The following TRDMT1 variants were observed in gnomAD, a reference collection of about 807,000 sequenced individuals.
The protein encoded by TRDMT1 is tRNA (cytosine(38)-C(5))-methyltransferase.
In TRDMT1, 49 loss-of-function variants were observed where a neutral mutation model predicts 51.2. That is an observed-to-expected ratio of 0.96 (90% CI 0.76 to 1.21). TRDMT1 has a LOEUF of 1.21. Among genes scored for constraint, TRDMT1 ranks in the 50% most tolerant of loss-of-function variants. The pLI is 0.00. For synonymous variants in TRDMT1, 187 were observed against 164.6 expected (o/e 1.14, Z -1.04); for missense variants, 534 against 462.3 (o/e 1.16, Z -1.42).
At position 17,145,395 on chromosome 10, in the gene TRDMT1, C is replaced by T; in HGVS notation, c.*3645G>A. The T allele has an allele frequency of 7.1e-6, 7 of 985,292 alleles. No homozygotes were observed. The highest frequency in any genetic ancestry group is 5.2e-5 in the African/African-American group (3 of 57,320). 61.0% of individuals were successfully genotyped at this position (985,292 alleles called of 1,614,324 possible). A position where few individuals can be genotyped will look rare whatever the true frequency, so the allele number is the denominator to read the frequency against. Reference sequence around the variant, plus strand: ...GCTGATATGATAGTTGTATATAGCACATTTGAATGGTAGATGGAAGAGATT... The same window carrying T: ...GCTGATATGATAGTTGTATATAGCATATTTGAATGGTAGATGGAAGAGATT... On this transcript the variant is annotated 3_prime_UTR_variant, in exon 11 of 11. Transcript: ENST00000377799.
chr10:17,154,354 A>T (rs1170456104), intron 9 of TRDMT1, among the ~76,000 whole-genome samples: 1 of 152,172 alleles, frequency 6.6e-6, no homozygotes, highest in Non-Finnish European at 1.5e-5. Flanking sequence ...CTCCAATATT[A>T]AGATGTTTGT....
At position 17,194,803 on chromosome 10, in the gene TRDMT1, G is replaced by C. The variant is rs375633233; in HGVS notation, c.64+6768C>G. ...CAAAAATTAGCCAAGCGTGGTCGTG[G>C]GCACCTGTAATCACAGCTACTAGGG... On this transcript the variant is annotated intron_variant, in intron 1 of 10. Coordinates refer to ENST00000377799, the MANE Select transcript of TRDMT1 (RefSeq NM_004412.7). Among the ~76,000 whole-genome samples, 35 of 151,828 alleles carry C rather than the reference G, an allele frequency of 2.3e-4. No individual in the cohort carries two copies. In the East Asian group the frequency reaches 6.6e-3, roughly 29 times the overall value.
chr10:17,184,644 A>T (rs1272455946), intron 1 of TRDMT1, among the ~76,000 whole-genome samples: 1 of 152,126 alleles, frequency 6.6e-6, no homozygotes, highest in Non-Finnish European at 1.5e-5. Flanking sequence ...TGCTACAGAT[A>T]CCTCTAAAAG....
rs577850360 is a variant in TRDMT1 at position 17,173,669 on chromosome 10, C to T, written c.174+882G>A. 1.4e-4 allele frequency among the ~76,000 whole-genome samples: 22 copies of T among 151,746 alleles called. No individual in the cohort carries two copies. In the South Asian group the frequency reaches 2.7e-3, roughly 19 times the overall value. On this transcript the variant is annotated intron_variant, in intron 2 of 10. Coordinates refer to ENST00000377799, the MANE Select transcript of TRDMT1 (RefSeq NM_004412.7). ...AACTCAAACTGCCCACTTAAAATTA[C>T]GTACAATAAACTACATATTTATTGC...
Position 17,143,200 on chromosome 10 carries a change from A to G in TRDMT1, c.*5840T>C, listed in dbSNP as rs1332003730. ...GTGTGGTGCTTTCTATGTAGCTTCA[A>G]TATTGATTCCAGTATGGTTCCTACA... On this transcript the variant is annotated 3_prime_UTR_variant, in exon 11 of 11. Transcript: ENST00000377799. 5.1e-6 allele frequency: 5 copies of G among 985,336 alleles called. No individual in the cohort carries two copies. The highest frequency in any genetic ancestry group is 5.2e-4 in the Middle Eastern group (1 of 1,936). The allele number at this position is 985,336 out of a possible 1,614,324, so 61.0% of individuals were successfully genotyped here.
intron 1 of TRDMT1, among the ~76,000 whole-genome samples, chr10:17,178,135 G>T (rs1340659650): frequency 1.3e-5 from 2 of 151,962 alleles, no homozygotes; most frequent in Admixed American, 1.3e-4. Context: ...ATCTCATATA[G>T]GTGAGTAACT....
intron 3 of TRDMT1, among the ~76,000 whole-genome samples, chr10:17,167,813 C>T (rs1430301840): frequency 6.6e-6 from 1 of 152,126 alleles, no homozygotes. Context: ...ATTCACTTTG[C>T]TTAATCAGTA....
rs1413153442 is a variant in TRDMT1 at position 17,138,651 on chromosome 10, A to T, written c.*10389T>A. The stretch of plus-strand genomic sequence containing the variant: ...ACTACAATTATCTTTGAGTAGAATG[A>T]AAAAGAATTATGAGTTAATCATTAA... On this transcript the variant is annotated 3_prime_UTR_variant, in exon 11 of 11. Coordinates refer to ENST00000377799, the MANE Select transcript of TRDMT1 (RefSeq NM_004412.7). 6.7e-6 allele frequency among the ~76,000 whole-genome samples: 1 copy of T among 150,178 alleles called. No homozygotes were observed. Among genetic ancestry groups the T allele is most frequent in the Non-Finnish European group, 1.5e-5 (1 of 67,136 alleles).
At chr10:17,155,537 C>T (rs920553466) in intron 8 of TRDMT1, among the ~76,000 whole-genome samples, 1 of 152,116 alleles carries the variant, frequency 6.6e-6, no homozygotes, top group Non-Finnish European at 1.5e-5. Context: ...GATCCTATGT[C>T]TGCTTGTCAT....
rs1339227137 is a variant in TRDMT1 at position 17,147,360 on chromosome 10, A to G, written c.*1680T>C. ...CATATTTATCTATGAGTTCTGAAAA[A>G]TTGGTAATAGAGTATGATTTTTTCA... On this transcript the variant is annotated 3_prime_UTR_variant, in exon 11 of 11. Coordinates refer to ENST00000377799, the MANE Select transcript of TRDMT1 (RefSeq NM_004412.7). 2.0e-6 allele frequency: 2 copies of G among 984,830 alleles called. No individual in the cohort carries two copies. Among genetic ancestry groups the G allele is most frequent in the Admixed American group, 6.2e-5 (1 of 16,260 alleles). 61.0% of individuals were successfully genotyped at this position (984,830 alleles called of 1,614,324 possible).
At chr10:17,179,544 ATTATT>A (rs1564319609) in intron 1 of TRDMT1, among the ~76,000 whole-genome samples, 1 of 152,054 alleles carries the variant, frequency 6.6e-6, no homozygotes, top group African/African-American at 2.4e-5. Context: ...AATGATAATG[ATTATT>A]TTAACTAAAA....
At chr10:17,161,820 C>T (rs986186643) in intron 4 of TRDMT1, among the ~76,000 whole-genome samples, 7 of 152,120 alleles carry the variant, frequency 4.6e-5, no homozygotes, top group African/African-American at 4.8e-5. Context: ...ACTGAAAGGG[C>T]GGCTACTCAC....
chr10:17,173,458 T>C (rs139305951), intron 2 of TRDMT1, among the ~76,000 whole-genome samples: 21 of 152,314 alleles, frequency 1.4e-4, no homozygotes, highest in African/African-American at 4.8e-4. Context: ...TACACTCTTA[T>C]GATTTTATTT....
In TRDMT1 at chr10:17,148,555, A is replaced by C. The variant is rs1477000971; in HGVS notation, c.*485T>G. 8 of 982,968 alleles carry C rather than the reference A, an allele frequency of 8.1e-6. No individual in the cohort carries two copies. The East Asian group carries it at 7.9e-4, about 97-fold the overall frequency. 60.9% of individuals were successfully genotyped at this position (982,968 alleles called of 1,614,324 possible). The stretch of plus-strand genomic sequence containing the variant: ...ATGATGATAATTTGGTTTACATATC[A>C]TATGCATTTGTTTAGATGAAATAAA... On this transcript the variant is annotated 3_prime_UTR_variant, in exon 11 of 11. Coordinates refer to ENST00000377799, the MANE Select transcript of TRDMT1 (RefSeq NM_004412.7).
chr10:17,201,512 G>A (rs1003706524), intron 1 of TRDMT1, 59 bp downstream of exon 1: 7 of 1,483,218 alleles, frequency 4.7e-6, no homozygotes, highest in Non-Finnish European at 4.6e-6. Context: ...TTCCCGGCGC[G>A]GGTGCTCCAA....
In TRDMT1 at chr10:17,140,106, T is replaced by C. The variant is rs1837557172; in HGVS notation, c.*8934A>G. On this transcript the variant is annotated 3_prime_UTR_variant, in exon 11 of 11. Coordinates refer to ENST00000377799, the MANE Select transcript of TRDMT1 (RefSeq NM_004412.7). ...TGTCACCCAGGCTGGAATGATGCAA[T>C]GGCACGACCTCGGCTCACTGCAACC... Among the ~76,000 whole-genome samples the C allele has an allele frequency of 7.6e-6, 1 of 131,694 alleles. No individual in the cohort carries two copies. Among genetic ancestry groups the C allele is most frequent in the Admixed American group, 8.7e-5 (1 of 11,448 alleles). 86.4% of individuals were successfully genotyped at this position (131,694 alleles called of 152,430 possible). A position where few individuals can be genotyped will look rare whatever the true frequency, so the allele number is the denominator to read the frequency against.
At chr10:17,164,734 C>T (rs1467170433) in intron 3 of TRDMT1, among the ~76,000 whole-genome samples, 2 of 152,138 alleles carry the variant, frequency 1.3e-5, no homozygotes, top group Admixed American at 6.5e-5. Flanking sequence ...AAAAGACAAA[C>T]AGAGAGCCAA....
chr10:17,171,629 T>C (rs912255743), intron 2 of TRDMT1: 1 of 152,244 alleles, frequency 6.6e-6, no homozygotes, highest in Non-Finnish European at 1.5e-5. Flanking sequence ...CACTGAATAA[T>C]GTCCTAAAAA....
At chr10:17,185,306 G>A (rs1588650761) in intron 1 of TRDMT1, among the ~76,000 whole-genome samples, 2 of 152,104 alleles carry the variant, frequency 1.3e-5, no homozygotes, top group East Asian at 3.9e-4. Context: ...GCAGCCAAAA[G>A]ACACATGAAA....
Sources: gnomAD v4.1 joint callset for allele counts (sites outside exome capture counted in the v4.1 genomes callset) on GRCh38, gnomAD v4.1.1 for gene constraint, MANE v1.5 for transcripts, NCBI Gene and HGNC (gene_info 2026-07-23, HGNC 2026-07-21) for gene names.